RASAL2: variants seen among roughly 807,000 people sequenced by gnomAD.
RASAL2 encodes the protein RAS protein activator like 2.
In RASAL2, 58 loss-of-function variants were observed where a neutral mutation model predicts 128.9. The ratio of observed to expected loss-of-function variants is 0.45; its 90% CI spans 0.36 to 0.56. The LOEUF (loss-of-function observed/expected upper bound fraction) is 0.56, where lower values mean the gene tolerates loss of function less well. Among genes scored for constraint, RASAL2 ranks in the 20% least tolerant of loss-of-function variants. The pLI is 0.00. For missense variants in RASAL2, 1,360 were observed against 1,601.6 expected, an observed-to-expected ratio of 0.85 and a Z score of 2.57; for synonymous variants, 561 against 580.8, an observed-to-expected ratio of 0.97 and a Z score of 0.49.
At chr1:178,442,404 TAC>T (rs1306953185) in intron 7 of RASAL2, among the ~76,000 whole-genome samples, 3 of 152,020 alleles carry the variant, frequency 2.0e-5, no homozygotes, top group Non-Finnish European at 2.9e-5. Flanking sequence ...TATGAAAACT[TAC>T]CGTTACAAAA....
intron 1 of RASAL2, among the ~76,000 whole-genome samples, chr1:178,171,543 T>C (rs1357141427): frequency 6.6e-6 from 1 of 152,020 alleles, no homozygotes; most frequent in Non-Finnish European, 1.5e-5. Flanking sequence ...AATATTTTAC[T>C]TGTATAGTTG....
intron 1 of RASAL2, among the ~76,000 whole-genome samples, chr1:178,224,874 T>A (rs1558124486): frequency 6.6e-6 from 1 of 152,162 alleles, no homozygotes; most frequent in African/African-American, 2.4e-5. Flanking sequence ...ACTGATATCC[T>A]ATTTTAAACT....
At chr1:178,214,373 AC>A (rs1343652749) in intron 1 of RASAL2, among the ~76,000 whole-genome samples, 1 of 152,224 alleles carries the variant, frequency 6.6e-6, no homozygotes, top group Non-Finnish European at 1.5e-5. Flanking sequence ...CTGTAGCCAT[AC>A]ATATAACTTG....
At chr1:178,420,642 A>G (rs1675086435) in intron 5 of RASAL2, 22 bp downstream of exon 5, 1 of 1,542,722 alleles carries the variant, frequency 6.5e-7, no homozygotes, top group Non-Finnish European at 8.9e-7. Context: ...ACTTTCTTAA[A>G]ACAAAAAAAG....
At chr1:178,142,793 T>G (rs1191310603) in intron 1 of RASAL2, among the ~76,000 whole-genome samples, 1 of 152,150 alleles carries the variant, frequency 6.6e-6, no homozygotes, top group Non-Finnish European at 1.5e-5. Context: ...GGGAATTATT[T>G]CATGAATTAG....
At chr1:178,104,348 C>T (rs1659013689) in intron 1 of RASAL2, among the ~76,000 whole-genome samples, 1 of 152,004 alleles carries the variant, frequency 6.6e-6, no homozygotes, top group Non-Finnish European at 1.5e-5. Context: ...ATTCATGTGC[C>T]AGTATCACAC....
At chr1:178,292,035 CAA>C (rs34317624) in intron 2 of RASAL2, among the ~76,000 whole-genome samples, 6 of 59,098 alleles carry the variant, frequency 1.0e-4, no homozygotes, top group African/African-American at 5.3e-5. Context: ...GACTTTGTCT[CAA>C]AAAAAAAAAA....
intron 1 of RASAL2, among the ~76,000 whole-genome samples, chr1:178,096,487 TAA>T (rs1344822409): frequency 2.2e-4 from 33 of 147,614 alleles, no homozygotes; most frequent in Admixed American, 6.7e-4. Context: ...TGTGTGTGTG[TAA>T]GAGAGAGAGA....
intron 5 of RASAL2, among the ~76,000 whole-genome samples, chr1:178,434,972 T>C (rs1395883053): frequency 2.6e-5 from 4 of 152,038 alleles, no homozygotes; most frequent in African/African-American, 7.2e-5. Flanking sequence ...TGGTAGAGTA[T>C]TAGGGTACCC....
At chr1:178,332,807 G>A (rs919905168) in intron 3 of RASAL2, among the ~76,000 whole-genome samples, 5 of 151,272 alleles carry the variant, frequency 3.3e-5, no homozygotes, top group African/African-American at 1.2e-4. Context: ...GTAGAGACGG[G>A]GTTTCACCGT....
chr1:178,153,456 T>G (rs1231808080), intron 1 of RASAL2, among the ~76,000 whole-genome samples: 1 of 152,202 alleles, frequency 6.6e-6, no homozygotes, highest in African/African-American at 2.4e-5. Flanking sequence ...TTGTGCCTAT[T>G]TATAGTAAGT....
At chr1:178,254,931 C>T (rs963555817) in intron 1 of RASAL2, among the ~76,000 whole-genome samples, 1 of 151,738 alleles carries the variant, frequency 6.6e-6, no homozygotes, top group African/African-American at 2.4e-5. Context: ...AGAAAAACCA[C>T]TCATTATTTA....
intron 1 of RASAL2, among the ~76,000 whole-genome samples, chr1:178,242,227 G>A (rs1664530194): frequency 6.6e-6 from 1 of 151,898 alleles, no homozygotes; most frequent in Admixed American, 6.6e-5. Flanking sequence ...AATATTGGAT[G>A]GTGTTCTAAT....
chr1:178,232,610 GTTGGCTTTCTT>G (rs1204044270), intron 1 of RASAL2, among the ~76,000 whole-genome samples: 1 of 152,028 alleles, frequency 6.6e-6, no homozygotes, highest in African/African-American at 2.4e-5. Context: ...TAAAAATGGT[GTTGGCTTTCTT>G]TTGGCTTTTT....
At chr1:178,240,619 G>T (rs1024662292) in intron 1 of RASAL2, among the ~76,000 whole-genome samples, 3 of 151,794 alleles carry the variant, frequency 2.0e-5, no homozygotes, top group Non-Finnish European at 4.4e-5. Context: ...TGTGTTGCTG[G>T]AGAGGATATT....
intron 1 of RASAL2, among the ~76,000 whole-genome samples, chr1:178,113,314 A>G (rs568090232): frequency 1.3e-5 from 2 of 151,606 alleles, no homozygotes; most frequent in Non-Finnish European, 2.9e-5. Flanking sequence ...TGACTACTCT[A>G]GATCATTTGC....
intron 2 of RASAL2, among the ~76,000 whole-genome samples, chr1:178,288,208 A>T (rs1309031201): frequency 1.3e-5 from 2 of 152,198 alleles, no homozygotes; most frequent in Non-Finnish European, 2.9e-5. Flanking sequence ...ATTGTGGACT[A>T]GTCACAATTT....
intron 3 of RASAL2, among the ~76,000 whole-genome samples, chr1:178,381,982 C>G (rs1672310885): frequency 6.6e-6 from 1 of 152,146 alleles, no homozygotes; most frequent in Non-Finnish European, 1.5e-5. Flanking sequence ...AATAATTGGA[C>G]TGACATGTTC....
Position 178,426,004 on chromosome 1 carries a change from A to G in RASAL2, c.674+5384A>G, listed in dbSNP as rs1351895928. Among the ~76,000 whole-genome samples, 17 of 152,188 alleles carry G rather than the reference A, an allele frequency of 1.1e-4. 1 individual carries two copies. Among genetic ancestry groups the G allele is most frequent in the Admixed American group, 6.6e-5 (1 of 15,266 alleles). The stretch of plus-strand genomic sequence containing the variant: ...AAAGGTTCAGCTTCCACCCAGCTCT[A>G]GAAAGTCAGCAGCCAGACTTACCCC... On this transcript the variant is annotated intron_variant, in intron 5 of 17. Coordinates refer to ENST00000367649, the MANE Select transcript of RASAL2 (RefSeq NM_170692.4).
Sources: allele counts gnomAD v4.1 joint callset (sites outside exome capture counted in the v4.1 genomes callset), GRCh38; gene constraint gnomAD v4.1.1; transcripts MANE v1.5; gene names NCBI Gene and HGNC (gene_info 2026-07-23, HGNC 2026-07-21).